TSC22D1: variants seen among roughly 807,000 people sequenced by gnomAD.
TSC22D1 encodes the protein TSC22 domain family member 1, also known as TSC22 domain family protein 1.
In TSC22D1, 9 loss-of-function variants were observed where a neutral mutation model predicts 74.2. That is an observed-to-expected ratio of 0.12 (90% confidence interval 0.07 to 0.21). TSC22D1 has a LOEUF of 0.21. TSC22D1 is among the 10% of genes least tolerant of loss of function. The pLI is 1.00. For synonymous variants in TSC22D1, 586 were observed against 492.5 expected, an observed-to-expected ratio of 1.19 and a Z score of -2.51; for missense variants, 1,427 against 1,304.7, an observed-to-expected ratio of 1.09 and a Z score of -1.44.
At chr13:44,454,400 AGGAAG>A (rs1480304940) in intron 1 of TSC22D1, among the ~76,000 whole-genome samples, 24 of 152,194 alleles carry the variant, frequency 1.6e-4, no homozygotes, top group Non-Finnish European at 2.9e-4. Flanking sequence ...TATGTAAGTT[AGGAAG>A]TATAACGGTA....
intron 1 of TSC22D1, among the ~76,000 whole-genome samples, chr13:44,517,800 C>CATATAT (rs1880082027): frequency 1.1e-5 from 1 of 93,038 alleles, no homozygotes; most frequent in Non-Finnish European, 2.0e-5. Context: ...CATATATATA[C>CATATAT]ACACATATAT....
chr13:44,486,544 T>A (rs1012885367), intron 1 of TSC22D1, among the ~76,000 whole-genome samples: 1 of 152,150 alleles, frequency 6.6e-6, no homozygotes, highest in African/African-American at 2.4e-5. Flanking sequence ...TACTGTTAGG[T>A]CTAGCAGATA....
intron 1 of TSC22D1, among the ~76,000 whole-genome samples, chr13:44,472,652 C>A (rs1385383861): frequency 2.6e-5 from 4 of 152,090 alleles, no homozygotes; most frequent in African/African-American, 9.7e-5. Flanking sequence ...CCTGGCTATA[C>A]AATTAACCGG....
intron 1 of TSC22D1, among the ~76,000 whole-genome samples, chr13:44,456,138 G>A (rs566321386): frequency 2.6e-5 from 4 of 152,344 alleles, no homozygotes; most frequent in South Asian, 4.1e-4. Flanking sequence ...GACCCTCGCA[G>A]TGAGTGTTAC....
At chr13:44,556,130 A>G (rs1019061273) in intron 1 of TSC22D1, among the ~76,000 whole-genome samples, 1 of 152,106 alleles carries the variant, frequency 6.6e-6, no homozygotes, top group Non-Finnish European at 1.5e-5. Context: ...ATTGTTAACT[A>G]TAATTCAAAA....
chr13:44,460,442 AG>A (rs1157759567), intron 1 of TSC22D1, among the ~76,000 whole-genome samples: 1 of 152,234 alleles, frequency 6.6e-6, no homozygotes, highest in African/African-American at 2.4e-5. Flanking sequence ...TTTTGGTAAA[AG>A]GGCAACTCAA....
At chr13:44,462,048 GGA>G (rs914701233) in intron 1 of TSC22D1, among the ~76,000 whole-genome samples, 1 of 152,104 alleles carries the variant, frequency 6.6e-6, no homozygotes, top group African/African-American at 2.4e-5. Flanking sequence ...TCTGCTGGAG[GGA>G]GAGGGGAGAT....
intron 1 of TSC22D1, among the ~76,000 whole-genome samples, chr13:44,517,155 T>C (rs1880031370): frequency 6.6e-6 from 1 of 152,216 alleles, no homozygotes; most frequent in Non-Finnish European, 1.5e-5. Context: ...TGTGTGTATA[T>C]GCATTTTAAA....
chr13:44,448,661 A>G (rs1875878209), intron 1 of TSC22D1, among the ~76,000 whole-genome samples: 1 of 152,190 alleles, frequency 6.6e-6, no homozygotes, highest in Non-Finnish European at 1.5e-5. Context: ...CAGCTCTGTG[A>G]CATAAATGAG....
rs1881218238 is a variant in TSC22D1 at position 44,537,484 on chromosome 13, T to C, written c.2912+35679A>G. ...CAAAGCTGAAACAAAAAGCTTATAA[T>C]CTCACAGGCCACACAAAGCGGTTTC... On this transcript the variant is annotated intron_variant, in intron 1 of 2. Transcript: ENST00000458659. 5 of 985,024 alleles carry C rather than the reference T, an allele frequency of 5.1e-6. No individual in the cohort carries two copies. In the South Asian group the frequency reaches 2.3e-4, roughly 46 times the overall value. 61.0% of individuals were successfully genotyped at this position (985,024 alleles called of 1,614,324 possible).
intron 1 of TSC22D1, among the ~76,000 whole-genome samples, chr13:44,534,361 TAAAAAA>T (rs61378692): frequency 5.6e-5 from 6 of 107,276 alleles, no homozygotes; most frequent in African/African-American, 1.7e-4. Context: ...GACCCCGTCT[TAAAAAA>T]AAAAAAAAAA....
chr13:44,435,627 G>A (rs979260198), intron 2 of TSC22D1, among the ~76,000 whole-genome samples: 4 of 152,148 alleles, frequency 2.6e-5, no homozygotes, highest in African/African-American at 9.7e-5. Context: ...CCGTCTAGAA[G>A]ACCCTTATCC....
intron 1 of TSC22D1, among the ~76,000 whole-genome samples, chr13:44,560,137 T>C (rs935701379): frequency 6.6e-6 from 1 of 152,146 alleles, no homozygotes; most frequent in Non-Finnish European, 1.5e-5. Context: ...TTTGATTTAC[T>C]GTGGTAATCA....
intron 1 of TSC22D1, among the ~76,000 whole-genome samples, chr13:44,501,563 G>C (rs746591013): frequency 6.9e-6 from 1 of 144,020 alleles, no homozygotes; most frequent in Non-Finnish European, 1.5e-5. Context: ...AGGCTAGGCC[G>C]GGTGGAGGGG....
chr13:44,550,845 C>T (rs1182297256), intron 1 of TSC22D1, among the ~76,000 whole-genome samples: 9 of 151,368 alleles, frequency 5.9e-5, no homozygotes, highest in Non-Finnish European at 1.2e-4. Flanking sequence ...GGGAGGCCAA[C>T]GTGGGAGAAT....
chr13:44,454,357 T>A (rs1407022479), intron 1 of TSC22D1, among the ~76,000 whole-genome samples: 1 of 152,210 alleles, frequency 6.6e-6, no homozygotes, highest in Non-Finnish European at 1.5e-5. Flanking sequence ...TTTAATGAAG[T>A]ATTTACATTA....
intron 1 of TSC22D1, among the ~76,000 whole-genome samples, chr13:44,530,917 T>G (rs1189092947): frequency 6.6e-6 from 1 of 152,160 alleles, no homozygotes; most frequent in African/African-American, 2.4e-5. Context: ...TAAAGTCACT[T>G]TAGAAGACAG....
chr13:44,433,897 A>C lies in TSC22D1; in HGVS notation c.*729T>G. 7.5e-7 allele frequency: 1 copy of C among 1,335,570 alleles called. No homozygotes were observed. Among genetic ancestry groups the C allele is most frequent in the Non-Finnish European group, 9.9e-7 (1 of 1,005,546 alleles). The allele number at this position is 1,335,570 out of a possible 1,614,324, so 82.7% of individuals were successfully genotyped here. ...CCACACCTCCTCAGACAGCCAATGA[A>C]ACAACTAAATTTCAATCTGTACAAC... is the stretch of plus-strand genomic sequence containing the variant. On this transcript the variant is annotated 3_prime_UTR_variant, in exon 3 of 3. Transcript: ENST00000458659.
At chr13:44,491,597 T>A (rs927392301) in intron 1 of TSC22D1, among the ~76,000 whole-genome samples, 12 of 148,430 alleles carry the variant, frequency 8.1e-5, no homozygotes, top group Non-Finnish European at 1.6e-4. Flanking sequence ...GTATCCAGAA[T>A]ACATAAAGAG....
Sources: gnomAD v4.1 joint callset for allele counts (sites outside exome capture counted in the v4.1 genomes callset) on GRCh38, gnomAD v4.1.1 for gene constraint, MANE v1.5 for transcripts, NCBI Gene and HGNC (gene_info 2026-07-23, HGNC 2026-07-21) for gene names.